Variants in PDE4D observed in about 807,000 individuals in gnomAD.
PDE4D encodes phosphodiesterase 4D, also known as 3',5'-cyclic-AMP phosphodiesterase 4D.
PDE4D carries 24 observed loss-of-function variants against 87.4 expected under a neutral mutation model. The observed-to-expected ratio is 0.27, with a 90% CI of 0.20 to 0.39. The LOEUF (loss-of-function observed/expected upper bound fraction) is 0.39, where lower values mean the gene tolerates loss of function less well. Ranked by LOEUF, PDE4D falls within the 10% of genes least tolerant of loss-of-function variation. The pLI is 1.00. For missense variants in PDE4D, 714 were observed against 1,041.0 expected, an observed-to-expected ratio of 0.69 and a Z score of 4.32; for synonymous variants, 384 against 383.2, an observed-to-expected ratio of 1.00 and a Z score of -0.02.
chr5:59,947,322 C>G (rs576718300), intron 3 of PDE4D, among the ~76,000 whole-genome samples: 1 of 152,184 alleles, frequency 6.6e-6, no homozygotes, highest in Non-Finnish European at 1.5e-5. Context: ...CTTTCCTTCT[C>G]TCTTAACTTG....
chr5:59,402,143 T>G (rs1422528488), intron 1 of PDE4D, among the ~76,000 whole-genome samples: 1 of 152,216 alleles, frequency 6.6e-6, no homozygotes, highest in African/African-American at 2.4e-5. Flanking sequence ...GAATCAACAA[T>G]GGCATGGAAA....
chr5:60,391,115 C>T (rs1762534385), intron 1 of PDE4D, among the ~76,000 whole-genome samples: 1 of 152,148 alleles, frequency 6.6e-6, no homozygotes, highest in Non-Finnish European at 1.5e-5. Context: ...ATGATAGCTT[C>T]ATGAAGGCAA....
At chr5:59,581,876 T>C (rs1328727091) in intron 1 of PDE4D, among the ~76,000 whole-genome samples, 1 of 152,136 alleles carries the variant, frequency 6.6e-6, no homozygotes, top group Non-Finnish European at 1.5e-5. Context: ...ATATCTCATA[T>C]AATGGAAAAT....
chr5:59,570,521 T>C (rs1821650742), intron 1 of PDE4D, among the ~76,000 whole-genome samples: 1 of 152,140 alleles, frequency 6.6e-6, no homozygotes, highest in African/African-American at 2.4e-5. Context: ...AGATGAGAGA[T>C]TTCCTTGAAA....
intron 5 of PDE4D, among the ~76,000 whole-genome samples, chr5:59,137,446 A>T (rs1777237234): frequency 6.6e-6 from 1 of 152,132 alleles, no homozygotes; most frequent in Non-Finnish European, 1.5e-5. Flanking sequence ...AGGATACAGT[A>T]TTATTCATTA....
chr5:60,039,358 T>G (rs1321607225), intron 2 of PDE4D, among the ~76,000 whole-genome samples: 1 of 149,090 alleles, frequency 6.7e-6, no homozygotes. Context: ...CACCGCATAT[T>G]CTCACTCATA....
chr5:59,597,257 G>A (rs1402405970), intron 1 of PDE4D, among the ~76,000 whole-genome samples: 1 of 152,064 alleles, frequency 6.6e-6, no homozygotes, highest in Non-Finnish European at 1.5e-5. Context: ...ATGCTATATT[G>A]TAATATTGAA....
At chr5:59,034,977 G>C (rs1458986257) in intron 6 of PDE4D, among the ~76,000 whole-genome samples, 1 of 152,222 alleles carries the variant, frequency 6.6e-6, no homozygotes, top group African/African-American at 2.4e-5. Flanking sequence ...GGAAGGCCTG[G>C]TGAAATGTGC....
chr5:60,034,258 A>T (rs1767549003), intron 2 of PDE4D, among the ~76,000 whole-genome samples: 1 of 152,320 alleles, frequency 6.6e-6, no homozygotes, highest in South Asian at 2.1e-4. Flanking sequence ...CCTTACAACA[A>T]ATTAACACAA....
chr5:59,542,320 C>T (rs772053718), intron 1 of PDE4D, among the ~76,000 whole-genome samples: 4 of 152,110 alleles, frequency 2.6e-5, no homozygotes, highest in Non-Finnish European at 5.9e-5. Flanking sequence ...ACTGGTCATG[C>T]AGCACCCAGT....
chr5:59,311,573 TA>T (rs1451995740), intron 1 of PDE4D, among the ~76,000 whole-genome samples: 1 of 151,190 alleles, frequency 6.6e-6, no homozygotes, highest in Non-Finnish European at 1.5e-5. Flanking sequence ...TCCTCTTCCT[TA>T]CTCTTCCCTG....
chr5:59,386,828 T>G (rs1185464202), intron 1 of PDE4D, among the ~76,000 whole-genome samples: 1 of 152,140 alleles, frequency 6.6e-6, no homozygotes, highest in Non-Finnish European at 1.5e-5. Flanking sequence ...CCTACAAGAA[T>G]TCCTTTACCT....
Position 60,037,675 on chromosome 5 carries a change from G to C in PDE4D, c.43-48958C>G, listed in dbSNP as rs540460145. Among the ~76,000 whole-genome samples, 9 of 152,302 alleles carry C rather than the reference G, an allele frequency of 5.9e-5. No homozygotes were observed. The South Asian group carries it at 1.7e-3, about 28-fold the overall frequency. The stretch of plus-strand genomic sequence containing the variant: ...AAAATAATTAATACATTACCTAAAT[G>C]AGTGTTTTGAAGGGAGACAGGTAGC... On this transcript the variant is annotated intron_variant, in intron 2 of 16. Coordinates refer to the PDE4D transcript ENST00000502484.
In PDE4D at chr5:60,342,767, G is replaced by T. The variant is rs75396494; in HGVS notation, c.-90+145175C>A. 6.4e-3 allele frequency among the ~76,000 whole-genome samples: 973 copies of T among 152,264 alleles called. 7 individuals carry two copies. Among genetic ancestry groups the T allele is most frequent in the African/African-American group, 0.023 (938 of 41,554 alleles). On this transcript the variant is annotated intron_variant, in intron 1 of 16. Coordinates refer to the PDE4D transcript ENST00000502484. Reference sequence around the variant, plus strand: ...TTTTCATACTGGTAAAAGTCTCTCAGAAGAGAAATTCCCAAGGGCTCAGCA... The same window carrying T: ...TTTTCATACTGGTAAAAGTCTCTCATAAGAGAAATTCCCAAGGGCTCAGCA...
At chr5:60,143,651 ATG>A (rs920912724) in intron 2 of PDE4D, among the ~76,000 whole-genome samples, 1 of 82,654 alleles carries the variant, frequency 1.2e-5, no homozygotes, top group Non-Finnish European at 2.4e-5. Flanking sequence ...GTGTGTGTGT[ATG>A]TGTGTGTGTT....
At chr5:59,414,633 G>A (rs1793273236) in intron 1 of PDE4D, among the ~76,000 whole-genome samples, 1 of 152,180 alleles carries the variant, frequency 6.6e-6, no homozygotes, top group African/African-American at 2.4e-5. Context: ...GCCAGACAAA[G>A]GAATGTCATT....
In PDE4D at chr5:58,975,948, C is replaced by A; in HGVS notation, c.1831-109G>T. ...GATGACTGCAACACTTAAAAATACA[C>A]GTAGTGTAAGATTTATTCCAAACAG... is the stretch of plus-strand genomic sequence containing the variant. On this transcript the variant is annotated intron_variant, in intron 13 of 14. Coordinates refer to ENST00000340635, the MANE Select transcript of PDE4D (RefSeq NM_001104631.2). This position sits in a 1 kb window ranked among gnomAD's most constrained non-coding sequence, Gnocchi z 4.2. 2.5e-6 allele frequency: 2 copies of A among 786,544 alleles called. No individual in the cohort carries two copies. The highest frequency in any genetic ancestry group is 3.5e-5 in the Admixed American group (1 of 28,838). 48.7% of individuals were successfully genotyped at this position (786,544 alleles called of 1,614,324 possible).
chr5:59,935,332 G>C (rs905344259), intron 3 of PDE4D, among the ~76,000 whole-genome samples: 3 of 152,052 alleles, frequency 2.0e-5, no homozygotes, highest in African/African-American at 7.2e-5. Flanking sequence ...GACAGTAAAA[G>C]TCAGAAAACA....
At chr5:59,673,408 GCTTCA>G (rs1315955873) in intron 1 of PDE4D, among the ~76,000 whole-genome samples, 1 of 152,132 alleles carries the variant, frequency 6.6e-6, no homozygotes, top group African/African-American at 2.4e-5. Flanking sequence ...TTAGAGGCAT[GCTTCA>G]CTTTTGTCCT....
Sources: gnomAD v4.1 joint callset for allele counts (sites outside exome capture counted in the v4.1 genomes callset) on GRCh38, gnomAD v4.1.1 for gene constraint, Gnocchi (gnomAD v3.1) non-coding constraint, MANE v1.5 for transcripts, NCBI Gene and HGNC (gene_info 2026-07-23, HGNC 2026-07-21) for gene names.